Variants in ARHGEF4 observed in about 807,000 individuals in gnomAD.
ARHGEF4 encodes the protein Rho guanine nucleotide exchange factor 4.
In ARHGEF4, 119 loss-of-function variants were observed where a neutral mutation model predicts 162.0. The observed-to-expected ratio is 0.73, with a 90% confidence interval of 0.63 to 0.86. The LOEUF (loss-of-function observed/expected upper bound fraction) is 0.86. Ranked by LOEUF, ARHGEF4 falls within the 40% of genes least tolerant of loss-of-function variation. The pLI, the probability that ARHGEF4 is intolerant of heterozygous loss-of-function variation, is 0.00. For missense variants in ARHGEF4, 2,488 were observed against 2,456.0 expected, an observed-to-expected ratio of 1.01 and a Z score of -0.28; for synonymous variants, 1,014 against 979.9, an observed-to-expected ratio of 1.03 and a Z score of -0.65.
Position 130,919,461 on chromosome 2 carries a change from C to T in ARHGEF4, c.3552+1963C>T, listed in dbSNP as rs539889857. Among the ~76,000 whole-genome samples the T allele has an allele frequency of 3.2e-4, 48 of 152,160 alleles. 1 individual carries two copies. Among genetic ancestry groups the T allele is most frequent in the African/African-American group, 1.0e-3 (43 of 41,514 alleles). On this transcript the variant is annotated intron_variant, in intron 2 of 13. Transcript: ENST00000409359. The stretch of plus-strand genomic sequence containing the variant: ...TATTGCCCTTTTGTGTTTCTGATCA[C>T]CTGAAAATACATAGAGAACTTGATT...
intron 1 of ARHGEF4, among the ~76,000 whole-genome samples, chr2:130,850,372 C>T (rs897221533): frequency 6.6e-6 from 1 of 152,214 alleles, no homozygotes; most frequent in Admixed American, 6.5e-5. Context: ...ACCCGTGTCC[C>T]AAGTCTGCCT....
intron 3 of ARHGEF4, among the ~76,000 whole-genome samples, chr2:130,932,538 A>G (rs1403763479): frequency 1.3e-5 from 2 of 152,202 alleles, no homozygotes; most frequent in Non-Finnish European, 2.9e-5. Flanking sequence ...TGAATGTAAG[A>G]CCATTATAAG....
At chr2:131,039,713 G>A in intron 6 of ARHGEF4, 1 of 1,292,810 alleles carries the variant, frequency 7.7e-7, no homozygotes, top group Non-Finnish European at 9.8e-7. Flanking sequence ...GGCAGGAGCA[G>A]GCACTGGTTC....
intron 3 of ARHGEF4, among the ~76,000 whole-genome samples, chr2:130,940,182 A>G (rs1029606100): frequency 1.3e-5 from 2 of 152,202 alleles, no homozygotes; most frequent in African/African-American, 2.4e-5. Flanking sequence ...TAAGATTTGT[A>G]TAGTAATTAT....
intron 1 of ARHGEF4, among the ~76,000 whole-genome samples, chr2:130,887,379 C>A (rs1679586911): frequency 6.6e-6 from 1 of 151,878 alleles, no homozygotes; most frequent in Non-Finnish European, 1.5e-5. Context: ...ACCAAATCTG[C>A]AGATCAGATA....
chr2:130,987,703 A>G (rs1686616419), intron 4 of ARHGEF4, among the ~76,000 whole-genome samples: 1 of 152,138 alleles, frequency 6.6e-6, no homozygotes, highest in Non-Finnish European at 1.5e-5. Context: ...AGCTGGCATC[A>G]CCTCTCACTG....
In ARHGEF4 at chr2:131,043,497, G is replaced by T; in HGVS notation, c.5071G>T (p.Glu1691Ter). The T allele has an allele frequency of 6.2e-7, 1 of 1,614,064 alleles. No homozygotes were observed. The highest frequency in any genetic ancestry group is 8.5e-7 in the Non-Finnish European group (1 of 1,180,012). Residue 1691 changes from glutamate to a stop codon, truncating the protein, a stop_gained, in exon 11 of 14, where the codon GAG (glutamate) becomes TAG (stop). Transcript: ENST00000409359. LOFTEE classifies it high-confidence loss of function. ...GAGCTCAGAACTCATCTACTCGGGG[G>T]AGCTGACTCGAGTTACACAGCCTCA... ...VRSSELIYSGELTRVTQPQAK... is the reference protein window; with the variant it reads ...VRSSELIYSG
intron 5 of ARHGEF4, among the ~76,000 whole-genome samples, chr2:131,032,694 C>T (rs958227181): frequency 6.6e-6 from 1 of 151,748 alleles, no homozygotes; most frequent in Non-Finnish European, 1.5e-5. Context: ...CACCCCTCAT[C>T]TGCCCCAGAC....
chr2:131,038,056 G>A (rs1690436615), intron 5 of ARHGEF4, among the ~76,000 whole-genome samples: 1 of 152,162 alleles, frequency 6.6e-6, no homozygotes, highest in African/African-American at 2.4e-5. Flanking sequence ...TGGGAGCAGG[G>A]GTGCCATGAG....
At chr2:131,039,739 C>A in intron 6 of ARHGEF4, 1 of 1,339,276 alleles carries the variant, frequency 7.5e-7, no homozygotes, top group Non-Finnish European at 9.5e-7. Flanking sequence ...CTGCAGCAAG[C>A]GCTCCAGCCT....
intron 4 of ARHGEF4, among the ~76,000 whole-genome samples, chr2:130,984,324 C>T (rs1482705306): frequency 6.6e-6 from 1 of 152,176 alleles, no homozygotes; most frequent in African/African-American, 2.4e-5. Context: ...CATGCAACTC[C>T]AACCCACTTT....
At position 131,045,236 on chromosome 2, in the gene ARHGEF4, A is replaced by G. The variant is rs1455561346; in HGVS notation, c.5402-133A>G. ...AGGCTGACTGTGCAGAATGGGCAAC[A>G]GTCCCCGCTGTGGCCAGTACTGAGT... is the stretch of plus-strand genomic sequence containing the variant. On this transcript the variant is annotated intron_variant, in intron 12 of 13. Coordinates refer to ENST00000409359, the MANE Select transcript of ARHGEF4 (RefSeq NM_001367493.1). 1.1e-5 allele frequency: 9 copies of G among 840,206 alleles called. No homozygotes were observed. In the East Asian group the frequency reaches 2.1e-4, roughly 19 times the overall value. The allele number at this position is 840,206 out of a possible 1,614,324, so 52.0% of individuals were successfully genotyped here. A position where few individuals can be genotyped will look rare whatever the true frequency, so the allele number is the denominator to read the frequency against.
At chr2:130,949,685 G>A (rs529229283) in intron 4 of ARHGEF4, among the ~76,000 whole-genome samples, 14 of 149,920 alleles carry the variant, frequency 9.3e-5, no homozygotes, top group Admixed American at 7.3e-4. Context: ...TCGCTCTGTC[G>A]CCCAGGCTGC....
chr2:130,996,922 T>C (rs1309925970), intron 4 of ARHGEF4, among the ~76,000 whole-genome samples: 1 of 152,260 alleles, frequency 6.6e-6, no homozygotes, highest in Admixed American at 6.5e-5. Context: ...GTCTTTTTCT[T>C]GTTGATTTGC....
At chr2:130,842,684 A>C (rs566552568) in intron 1 of ARHGEF4, among the ~76,000 whole-genome samples, 1 of 152,236 alleles carries the variant, frequency 6.6e-6, no homozygotes, top group East Asian at 1.9e-4. Flanking sequence ...CACATCTTCC[A>C]CGTGGTAATG....
chr2:131,037,728 G>A (rs1243003032), intron 5 of ARHGEF4, among the ~76,000 whole-genome samples: 6 of 152,224 alleles, frequency 3.9e-5, no homozygotes, highest in African/African-American at 1.4e-4. Flanking sequence ...AGGGCTGCCT[G>A]GGAGAGGCAG....
intron 1 of ARHGEF4, among the ~76,000 whole-genome samples, chr2:130,896,061 G>A (rs1430951876): frequency 6.6e-6 from 1 of 151,876 alleles, no homozygotes; most frequent in Admixed American, 6.6e-5. Flanking sequence ...ATTTATTTAG[G>A]TATTTTGTAG....
At chr2:130,871,336 G>A (rs147236202) in intron 1 of ARHGEF4, among the ~76,000 whole-genome samples, 1,550 of 152,220 alleles carry the variant, frequency 0.01, 22 homozygotes, top group Non-Finnish European at 0.017. Context: ...AGAAGTTCGA[G>A]ACTAGCCTGG....
intron 4 of ARHGEF4, among the ~76,000 whole-genome samples, chr2:130,962,016 G>T (rs1054482947): frequency 1.3e-5 from 2 of 152,090 alleles, no homozygotes; most frequent in African/African-American, 2.4e-5. Flanking sequence ...CGAGGCGGGC[G>T]GATCACGAGG....
Sources: gnomAD v4.1 joint callset for allele counts (sites outside exome capture counted in the v4.1 genomes callset) on GRCh38, gnomAD v4.1.1 for gene constraint, MANE v1.5 for transcripts, NCBI Gene and HGNC (gene_info 2026-07-23, HGNC 2026-07-21) for gene names.